Variants in KCNS3 observed in about 807,000 individuals in gnomAD.
KCNS3 encodes potassium voltage-gated channel modifier subfamily S member 3, also known as delayed-rectifier potassium channel regulatory subunit KCNS3.
KCNS3 carries 13 observed loss-of-function variants against 31.0 expected under a neutral mutation model. That is an observed-to-expected ratio of 0.42 (90% CI 0.27 to 0.67). The LOEUF (loss-of-function observed/expected upper bound fraction) is 0.67. Among genes scored for constraint, KCNS3 ranks in the 30% least tolerant of loss-of-function variants. The pLI, the probability that KCNS3 is intolerant of heterozygous loss-of-function variation, is 0.25. For synonymous variants in KCNS3, 238 were observed against 241.5 expected, an observed-to-expected ratio of 0.99 and a Z score of 0.13; for missense variants, 545 against 622.4, an observed-to-expected ratio of 0.88 and a Z score of 1.32.
chr2:17,880,601 C>A (rs950617446), intron 1 of KCNS3, among the ~76,000 whole-genome samples: 1 of 152,184 alleles, frequency 6.6e-6, no homozygotes, highest in African/African-American at 2.4e-5. Context: ...TTTTGTCTGA[C>A]CCATAATTGC....
chr2:17,884,260 AAAAAAAAAATATAT>A (rs1347652452), intron 1 of KCNS3, among the ~76,000 whole-genome samples: 2,483 of 81,328 alleles, frequency 0.031, 84 homozygotes, highest in South Asian at 0.086. Context: ...TATAATTAAA[AAAAAAAAAATATAT>A]ATATATATAT....
intron 2 of KCNS3, among the ~76,000 whole-genome samples, chr2:17,921,947 A>G (rs1284342607): frequency 2.9e-5 from 4 of 137,634 alleles, no homozygotes; most frequent in Non-Finnish European, 6.2e-5. Flanking sequence ...ATATATATAT[A>G]TATATATATA....
At position 17,931,213 on chromosome 2, in the gene KCNS3, T is replaced by G; in HGVS notation, c.205T>G (p.Phe69Val). The G allele has an allele frequency of 1.2e-6, 2 of 1,614,142 alleles. No individual in the cohort carries two copies. The highest frequency in any genetic ancestry group is 1.7e-6 in the Non-Finnish European group (2 of 1,180,012). The change falls in exon 3 of 3, where the codon TTT (phenylalanine) becomes GTT (valine). Residue 69 changes from phenylalanine (F) to valine (V), a missense_variant. Coordinates refer to ENST00000304101, the MANE Select transcript of KCNS3 (RefSeq NM_002252.5). This position sits in a 1 kb window ranked among gnomAD's most constrained non-coding sequence, Gnocchi z 5.4. ...DYSVADKEYY[F>V]DRNPSLFRYV... ...CAGTGTGGCCGATAAGGAGTACTAC[T>G]TTGATCGGAATCCCTCCTTGTTCAG...
At chr2:17,893,662 A>G (rs1661912502) in intron 1 of KCNS3, among the ~76,000 whole-genome samples, 1 of 152,062 alleles carries the variant, frequency 6.6e-6, no homozygotes, top group Non-Finnish European at 1.5e-5. Flanking sequence ...AAAGTTGGAA[A>G]CTTCTCCTGC....
chr2:17,921,915 G>GTGTGTA (rs375189924), intron 2 of KCNS3, among the ~76,000 whole-genome samples: 3 of 32,808 alleles, frequency 9.1e-5, no homozygotes, highest in African/African-American at 1.2e-4. Flanking sequence ...GTGTGTGTGT[G>GTGTGTA]TATATATATA....
chr2:17,918,743 A>G (rs985250890), intron 2 of KCNS3, among the ~76,000 whole-genome samples: 3 of 152,252 alleles, frequency 2.0e-5, no homozygotes, highest in African/African-American at 7.2e-5. Context: ...GTGAGCAACA[A>G]TCAGACTTGT....
intron 2 of KCNS3, among the ~76,000 whole-genome samples, chr2:17,925,568 G>A (rs533819065): frequency 6.6e-6 from 1 of 152,318 alleles, no homozygotes; most frequent in East Asian, 1.9e-4. Flanking sequence ...CATGGTGGAA[G>A]GGGAAGAGGC....
At chr2:17,923,681 T>G (rs758421642) in intron 2 of KCNS3, among the ~76,000 whole-genome samples, 1 of 151,994 alleles carries the variant, frequency 6.6e-6, no homozygotes, top group Non-Finnish European at 1.5e-5. Context: ...AATTTAGATT[T>G]TTTTGCATGT....
chr2:17,908,522 G>A (rs993237187), intron 1 of KCNS3, among the ~76,000 whole-genome samples: 6 of 152,216 alleles, frequency 3.9e-5, no homozygotes, highest in Non-Finnish European at 5.9e-5. Flanking sequence ...TCCCTATGGA[G>A]GGGGAGAGGT....
chr2:17,917,263 C>T (rs1662611862), intron 1 of KCNS3, among the ~76,000 whole-genome samples: 1 of 152,072 alleles, frequency 6.6e-6, no homozygotes, highest in Admixed American at 6.6e-5. Flanking sequence ...AGCAGTAATA[C>T]CCAGAAGGTA....
intron 1 of KCNS3, among the ~76,000 whole-genome samples, chr2:17,901,738 A>G (rs1290153322): frequency 2.6e-5 from 4 of 152,182 alleles, no homozygotes; most frequent in Non-Finnish European, 4.4e-5. Flanking sequence ...TCCAGGCTGC[A>G]GATGTCTTCA....
intron 1 of KCNS3, among the ~76,000 whole-genome samples, chr2:17,899,352 A>G (rs1364562214): frequency 6.6e-6 from 1 of 152,128 alleles, no homozygotes; most frequent in African/African-American, 2.4e-5. Context: ...ATTTCTTATA[A>G]TCAAATTTTG....
At chr2:17,902,479 A>G (rs1171143209) in intron 1 of KCNS3, among the ~76,000 whole-genome samples, 2 of 152,170 alleles carry the variant, frequency 1.3e-5, no homozygotes, top group Non-Finnish European at 2.9e-5. Flanking sequence ...CAAAAGGTCT[A>G]GTCTTAGCTT....
intron 2 of KCNS3, among the ~76,000 whole-genome samples, chr2:17,929,778 G>A (rs1157732142): frequency 6.6e-6 from 1 of 152,180 alleles, no homozygotes; most frequent in Non-Finnish European, 1.5e-5. Flanking sequence ...TCTATGTAGT[G>A]GAGAGAACAT....
intron 2 of KCNS3, among the ~76,000 whole-genome samples, chr2:17,923,076 G>A (rs1342840360): frequency 6.6e-6 from 1 of 152,014 alleles, no homozygotes; most frequent in Non-Finnish European, 1.5e-5. Context: ...GACACACAAG[G>A]GTTCCACTTT....
Position 17,925,859 on chromosome 2 carries a change from C to T in KCNS3, c.-59-5091C>T, listed in dbSNP as rs541768325. Among the ~76,000 whole-genome samples the T allele has an allele frequency of 7.9e-5, 12 of 152,288 alleles. No homozygotes were observed. The South Asian group carries it at 2.5e-3, about 32-fold the overall frequency. On this transcript the variant is annotated intron_variant, in intron 2 of 2. Transcript: ENST00000304101. ...TGTTTTAAAACCAATCATGCCTTCC[C>T]AACAGTCACCCAAAGTCTTAACTCA...
chr2:17,884,955 A>T, intron 1 of KCNS3, among the ~76,000 whole-genome samples: 3 of 99,470 alleles, frequency 3.0e-5, no homozygotes, highest in Admixed American at 1.1e-4. Context: ...TTTTTTCCTC[A>T]CTGCCTGGTG....
At chr2:17,899,177 G>A (rs1383658510) in intron 1 of KCNS3, among the ~76,000 whole-genome samples, 3 of 151,752 alleles carry the variant, frequency 2.0e-5, no homozygotes, top group Non-Finnish European at 2.9e-5. Flanking sequence ...AGTGAGCCGA[G>A]ATCCCACCAC....
At chr2:17,921,483 A>G (rs115236501) in intron 2 of KCNS3, among the ~76,000 whole-genome samples, 83 of 152,310 alleles carry the variant, frequency 5.4e-4, no homozygotes, top group African/African-American at 1.9e-3. Context: ...TATAATATCA[A>G]GTATCTAGTT....
Sources: allele counts gnomAD v4.1 joint callset (sites outside exome capture counted in the v4.1 genomes callset), GRCh38; gene constraint gnomAD v4.1.1; non-coding constraint Gnocchi (gnomAD v3.1); transcripts MANE v1.5; gene names NCBI Gene and HGNC (gene_info 2026-07-23, HGNC 2026-07-21).